Variants in ST7 observed in about 807,000 individuals in gnomAD.
ST7 encodes the protein suppressor of tumorigenicity 7 protein.
In ST7, 28 loss-of-function variants were observed where a neutral mutation model predicts 78.7. The ratio of observed to expected loss-of-function variants is 0.36; its 90% CI spans 0.26 to 0.49. The LOEUF (loss-of-function observed/expected upper bound fraction) is 0.49. ST7 is among the 20% of genes least tolerant of loss of function. The probability of loss-of-function intolerance (pLI) is 0.99; values close to 1 mark genes in which losing one functional copy is unlikely to be tolerated. For missense variants in ST7, 418 were observed against 696.0 expected (o/e 0.60, Z 4.49); for synonymous variants, 247 against 249.6 (o/e 0.99, Z 0.10).
chr7:117,225,238 A>T (rs551814221), intron 15 of ST7, among the ~76,000 whole-genome samples: 1 of 152,248 alleles, frequency 6.6e-6, no homozygotes, highest in East Asian at 1.9e-4. Flanking sequence ...GCCTCATTTC[A>T]TGTTTTCAAA....
At chr7:117,227,905 T>G (rs6979983) in intron 15 of ST7, among the ~76,000 whole-genome samples, 60 of 152,334 alleles carry the variant, frequency 3.9e-4, no homozygotes, top group African/African-American at 1.4e-3. Context: ...TCCTCTTTGC[T>G]CAAGCACTGA....
chr7:117,019,277 C>CT (rs915767929), intron 1 of ST7, among the ~76,000 whole-genome samples: 1 of 152,182 alleles, frequency 6.6e-6, no homozygotes, highest in South Asian at 2.1e-4. Flanking sequence ...TAACAAAACT[C>CT]TTTTTTTGGC....
chr7:117,051,399 C>T (rs1438203360), intron 1 of ST7, among the ~76,000 whole-genome samples: 1 of 152,134 alleles, frequency 6.6e-6, no homozygotes, highest in East Asian at 1.9e-4. Flanking sequence ...GAAGGAAGAG[C>T]ATTACAGAGA....
chr7:117,156,110 A>G (rs1161530312), intron 9 of ST7, among the ~76,000 whole-genome samples: 1 of 152,152 alleles, frequency 6.6e-6, no homozygotes, highest in East Asian at 1.9e-4. Context: ...CTCAAAATTT[A>G]TCATGATCTG....
At position 117,193,880 on chromosome 7, in the gene ST7, C is replaced by T. The variant is rs185509257; in HGVS notation, c.1254+2944C>T. ...ACTGACTTCCTTGCATTTCCAGCTT[C>T]GCTTCATCTGGTATCCCATTAAGCA... On this transcript the variant is annotated intron_variant, in intron 12 of 15. Coordinates refer to ENST00000323984, the MANE Select transcript of ST7 (RefSeq NM_001369598.1). Among the ~76,000 whole-genome samples, 237 of 152,322 alleles carry T rather than the reference C, an allele frequency of 1.6e-3. 1 individual carries two copies. Among genetic ancestry groups the T allele is most frequent in the Admixed American group, 2.2e-3 (33 of 15,302 alleles).
At chr7:117,057,534 T>A (rs943963071) in intron 1 of ST7, among the ~76,000 whole-genome samples, 23 of 152,312 alleles carry the variant, frequency 1.5e-4, no homozygotes, top group Non-Finnish European at 3.2e-4. Flanking sequence ...TAAGAGATTG[T>A]ATGATTGAGT....
intron 1 of ST7, among the ~76,000 whole-genome samples, chr7:117,042,436 G>T (rs1317277595): frequency 6.6e-6 from 1 of 152,164 alleles, no homozygotes; most frequent in Non-Finnish European, 1.5e-5. Context: ...CTCCAAAAGA[G>T]TCATCCAATT....
intron 7 of ST7, among the ~76,000 whole-genome samples, chr7:117,135,048 C>T (rs1286992711): frequency 6.6e-6 from 1 of 152,014 alleles, no homozygotes; most frequent in Non-Finnish European, 1.5e-5. Flanking sequence ...TTTATTTTCT[C>T]TCTTGTGGTC....
intron 1 of ST7, among the ~76,000 whole-genome samples, chr7:117,037,836 T>C (rs1005886123): frequency 1.3e-5 from 2 of 152,252 alleles, no homozygotes; most frequent in Non-Finnish European, 2.9e-5. Context: ...GGCCAGTGGA[T>C]GCTTTGGGAA....
intron 9 of ST7, among the ~76,000 whole-genome samples, chr7:117,148,489 C>A (rs954941988): frequency 6.6e-6 from 1 of 152,028 alleles, no homozygotes; most frequent in Non-Finnish European, 1.5e-5. Context: ...TTATCCCATT[C>A]GTGTTTATAG....
At chr7:117,038,264 A>G (rs1301262241) in intron 1 of ST7, among the ~76,000 whole-genome samples, 1 of 152,220 alleles carries the variant, frequency 6.6e-6, no homozygotes, top group Non-Finnish European at 1.5e-5. Flanking sequence ...CCTTGTTAAT[A>G]CTACTTTTTC....
At chr7:117,067,244 G>T (rs1798687642) in intron 1 of ST7, among the ~76,000 whole-genome samples, 1 of 151,758 alleles carries the variant, frequency 6.6e-6, no homozygotes, top group African/African-American at 2.4e-5. Context: ...TTCAATCCTT[G>T]TGAGCGTATA....
chr7:117,047,838 G>A (rs1479135522), intron 1 of ST7, among the ~76,000 whole-genome samples: 1 of 152,038 alleles, frequency 6.6e-6, no homozygotes, highest in African/African-American at 2.4e-5. Flanking sequence ...TGGAAGTCAG[G>A]GATTTATTTT....
intron 1 of ST7, among the ~76,000 whole-genome samples, chr7:117,042,436 G>A (rs1317277595): frequency 6.6e-6 from 1 of 152,164 alleles, no homozygotes; most frequent in African/African-American, 2.4e-5. Flanking sequence ...CTCCAAAAGA[G>A]TCATCCAATT....
chr7:116,987,730 T>A (rs1794248182), intron 1 of ST7, among the ~76,000 whole-genome samples: 2 of 152,226 alleles, frequency 1.3e-5, no homozygotes, highest in Admixed American at 1.3e-4. Context: ...AATAAACCTT[T>A]TTTCTTCTTT....
chr7:117,162,793 A>G (rs768402744), intron 9 of ST7, among the ~76,000 whole-genome samples: 2 of 152,166 alleles, frequency 1.3e-5, no homozygotes, highest in Admixed American at 6.5e-5. Flanking sequence ...CTGTGGGCCA[A>G]ATCTGGTCTC....
intron 13 of ST7, among the ~76,000 whole-genome samples, chr7:117,215,172 C>T (rs918005394): frequency 6.6e-6 from 1 of 152,130 alleles, no homozygotes; most frequent in African/African-American, 2.4e-5. Context: ...CAAGGCCACA[C>T]AATTAGGTAG....
At chr7:117,217,451 A>C (rs760126327) in intron 13 of ST7, among the ~76,000 whole-genome samples, 33 of 152,178 alleles carry the variant, frequency 2.2e-4, no homozygotes, top group Non-Finnish European at 2.9e-5. Flanking sequence ...TGTATCCTAT[A>C]AAGGCACTAA....
chr7:116,975,764 T>C (rs1468017641), intron 1 of ST7, among the ~76,000 whole-genome samples: 2 of 152,016 alleles, frequency 1.3e-5, no homozygotes, highest in African/African-American at 2.4e-5. Flanking sequence ...TTATGTTTGT[T>C]ATAGAATAGA....
Sources: gnomAD v4.1 joint callset for allele counts (sites outside exome capture counted in the v4.1 genomes callset) on GRCh38, gnomAD v4.1.1 for gene constraint, MANE v1.5 for transcripts, NCBI Gene and HGNC (gene_info 2026-07-23, HGNC 2026-07-21) for gene names.